Variants in DLG1 observed in about 807,000 individuals in gnomAD.
DLG1 encodes disks large homolog 1.
In DLG1, 42 loss-of-function variants were observed where a neutral mutation model predicts 123.4. The ratio of observed to expected loss-of-function variants is 0.34; its 90% CI spans 0.27 to 0.44. The LOEUF is 0.44. Ranked by LOEUF, DLG1 falls within the 20% of genes least tolerant of loss-of-function variation. DLG1 has a pLI of 1.00. For synonymous variants in DLG1, 317 were observed against 356.2 expected, an observed-to-expected ratio of 0.89 and a Z score of 1.24; for missense variants, 942 against 1,082.6, an observed-to-expected ratio of 0.87 and a Z score of 1.82.
intron 4 of DLG1, among the ~76,000 whole-genome samples, chr3:197,219,744 G>T (rs1047773108): frequency 6.6e-6 from 1 of 152,168 alleles, no homozygotes; most frequent in African/African-American, 2.4e-5. Context: ...GCGGGGATAT[G>T]CATGCACGGA....
chr3:197,069,242 G>C lies in DLG1; in HGVS notation c.2024C>G (p.Ala675Gly). The C allele has an allele frequency of 6.3e-7, 1 of 1,586,534 alleles. No homozygotes were observed. Among genetic ancestry groups the C allele is most frequent in the African/African-American group, 1.4e-5 (1 of 73,520 alleles). Reference protein sequence around the residue: ...SDADQHVTSNASDSESSYRGQ... With the variant: ...SDADQHVTSNGSDSESSYRGQ... ...ACGGTAACTACTTTCACTATCGCTGGCATTAGAAGTTACATGCTCTGAAAT... is the reference window on the plus strand; with the variant it reads ...ACGGTAACTACTTTCACTATCGCTGCCATTAGAAGTTACATGCTCTGAAAT... The change falls in exon 19 of 25, where the codon GCC becomes GGC. Residue 675 changes from alanine to glycine, a missense_variant. By Grantham distance (60) the Ala-to-Gly change is moderately conservative. Coordinates refer to ENST00000667157, the MANE Select transcript of DLG1 (RefSeq NM_001366207.1).
chr3:197,127,116 A>G (rs1283216034), intron 11 of DLG1, among the ~76,000 whole-genome samples: 1 of 152,054 alleles, frequency 6.6e-6, no homozygotes, highest in Non-Finnish European at 1.5e-5. Context: ...CTCAGCTTAT[A>G]TATTTAAAAA....
chr3:197,208,472 T>C (rs1242507241), intron 4 of DLG1, among the ~76,000 whole-genome samples: 1 of 147,030 alleles, frequency 6.8e-6, no homozygotes, highest in African/African-American at 2.4e-5. Context: ...TATTGTAGTA[T>C]TGTTTGTAAA....
intron 4 of DLG1, among the ~76,000 whole-genome samples, chr3:197,198,253 GC>G (rs1394907633): frequency 6.6e-6 from 1 of 152,162 alleles, no homozygotes; most frequent in East Asian, 1.9e-4. Context: ...CTTTCGGGAG[GC>G]CAAGGTGGGC....
intron 22 of DLG1, among the ~76,000 whole-genome samples, chr3:197,060,409 T>C (rs1373659039): frequency 6.6e-6 from 1 of 152,136 alleles, no homozygotes; most frequent in Non-Finnish European, 1.5e-5. Flanking sequence ...GCTGGGATGA[T>C]AGGCATGAGC....
intron 14 of DLG1, among the ~76,000 whole-genome samples, chr3:197,098,582 C>T (rs928660179): frequency 2.0e-5 from 3 of 152,106 alleles, no homozygotes; most frequent in South Asian, 2.1e-4. Context: ...TTGCTCAGGC[C>T]GGAGTGCAGT....
intron 11 of DLG1, among the ~76,000 whole-genome samples, chr3:197,119,760 G>A (rs550038051): frequency 3.3e-5 from 5 of 152,172 alleles, no homozygotes; most frequent in Non-Finnish European, 5.9e-5. Context: ...TGGGATTACA[G>A]GCATAAGCCA....
At chr3:197,282,635 ATT>A in intron 4 of DLG1, 42 bp downstream of exon 4, 1 of 1,337,514 alleles carries the variant, frequency 7.5e-7, no homozygotes, top group Non-Finnish European at 9.9e-7. Flanking sequence ...ACATAAATAA[ATT>A]GATCACCAAA....
chr3:197,054,959 A>C (rs1349387357), intron 23 of DLG1, among the ~76,000 whole-genome samples: 1 of 151,774 alleles, frequency 6.6e-6, no homozygotes, highest in Non-Finnish European at 1.5e-5. Context: ...GGGATTACAG[A>C]TGCCCGCCAC....
At chr3:197,053,774 T>TA (rs35792548) in intron 23 of DLG1, among the ~76,000 whole-genome samples, 1,929 of 97,292 alleles carry the variant, frequency 0.02, 36 homozygotes, top group African/African-American at 0.03. Context: ...CCCTGTCTCA[T>TA]AAAAAAAAAA....
intron 15 of DLG1, among the ~76,000 whole-genome samples, chr3:197,090,354 T>C (rs1485918643): frequency 3.3e-5 from 5 of 151,868 alleles, no homozygotes; most frequent in African/African-American, 1.2e-4. Flanking sequence ...ATATCACCTA[T>C]TTATTAGACC....
At chr3:197,078,380 G>A (rs1363428458) in intron 17 of DLG1, 1 of 150,438 alleles carries the variant, frequency 6.6e-6, no homozygotes, top group Non-Finnish European at 1.5e-5. Context: ...TCTATGACTT[G>A]AGAAGACTTA....
intron 4 of DLG1, among the ~76,000 whole-genome samples, chr3:197,244,808 T>G (rs1258523284): frequency 6.6e-6 from 1 of 152,080 alleles, no homozygotes; most frequent in South Asian, 2.1e-4. Context: ...GAGAACATCA[T>G]CCCCAGGCTG....
chr3:197,044,848 A>G (rs1488742819), intron 24 of DLG1, 119 bp from the exon 25 acceptor site: 35 of 514,890 alleles, frequency 6.8e-5, no homozygotes, highest in Non-Finnish European at 3.3e-6. Context: ...AGGAAGAATC[A>G]CCATTTACAC....
chr3:197,294,786 C>T (rs1343755052), intron 3 of DLG1, among the ~76,000 whole-genome samples: 1 of 152,076 alleles, frequency 6.6e-6, no homozygotes, highest in Non-Finnish European at 1.5e-5. Flanking sequence ...GCAAACCCAT[C>T]CCCAATCTAG....
intron 4 of DLG1, among the ~76,000 whole-genome samples, chr3:197,282,421 T>C (rs9862727): frequency 6.6e-6 from 1 of 152,222 alleles, no homozygotes; most frequent in Non-Finnish European, 1.5e-5. Context: ...AGGTCTATCA[T>C]GCAAAGAATT....
At chr3:197,259,822 T>C (rs1160466261) in intron 4 of DLG1, among the ~76,000 whole-genome samples, 1 of 152,170 alleles carries the variant, frequency 6.6e-6, no homozygotes, top group Non-Finnish European at 1.5e-5. Context: ...CAATCAGCAC[T>C]TGACTATTTT....
At chr3:197,214,373 G>C (rs531277928) in intron 4 of DLG1, among the ~76,000 whole-genome samples, 1 of 152,222 alleles carries the variant, frequency 6.6e-6, no homozygotes, top group African/African-American at 2.4e-5. Flanking sequence ...AGGAGATTGA[G>C]ACCAGCCTCG....
intron 5 of DLG1, among the ~76,000 whole-genome samples, chr3:197,169,044 A>G (rs542881324): frequency 6.6e-6 from 1 of 152,362 alleles, no homozygotes; most frequent in South Asian, 2.1e-4. Flanking sequence ...AATTTTCTCT[A>G]TAGCTTTATA....
Sources: gnomAD v4.1 joint callset for allele counts (sites outside exome capture counted in the v4.1 genomes callset) on GRCh38, gnomAD v4.1.1 for gene constraint, MANE v1.5 for transcripts, NCBI Gene and HGNC (gene_info 2026-07-23, HGNC 2026-07-21) for gene names.